The following TEFM variants were observed in gnomAD, a reference collection of about 807,000 sequenced individuals.
TEFM encodes the protein transcription elongation factor of mitochondria.
A neutral mutation model predicts 23.0 loss-of-function variants in TEFM; 14 were observed. The ratio of observed to expected loss-of-function variants is 0.61; its 90% CI spans 0.40 to 0.95. The LOEUF is 0.95. TEFM is among the 40% of genes least tolerant of loss of function. TEFM has a pLI of 0.00. For synonymous variants in TEFM, 155 were observed against 158.3 expected (o/e 0.98, Z 0.16); for missense variants, 386 against 425.5 (o/e 0.91, Z 0.82).
rs532441619 is a variant in TEFM, at chr17:30,904,617, A to G, written c.32-88T>C. 23 of 856,356 alleles carry G rather than the reference A, an allele frequency of 2.7e-5. No individual in the cohort carries two copies. The East Asian group carries it at 3.5e-4, about 13-fold the overall frequency. 53.0% of individuals were successfully genotyped at this position (856,356 alleles called of 1,614,324 possible). On this transcript the variant is annotated intron_variant, in intron 1 of 3. Coordinates refer to ENST00000581216, the MANE Select transcript of TEFM (RefSeq NM_024683.4). ...GCTTGACTAGATCCTTTGCAAAGTC[A>G]CAAATACTTTCCTGGAATTTAAGAA...
At position 30,899,505 on chromosome 17, in the gene TEFM, A is replaced by G. The variant is rs753931647; in HGVS notation, c.747T>C (p.His249=). 5.6e-6 allele frequency: 9 copies of G among 1,614,026 alleles called. No homozygotes were observed. The highest frequency in any genetic ancestry group is 7.6e-6 in the Non-Finnish European group (9 of 1,179,976). ...QNSSLFPILL[H]FHIMEAMLYA... ...ACAGCATGGCTTCCATGATATGAAA[A>G]TGTAACAGTATTGGAAACAGAGATG... Residue 249 remains histidine, a synonymous_variant, in exon 4 of 4, where the codon CAT becomes CAC. Coordinates refer to ENST00000581216, the MANE Select transcript of TEFM (RefSeq NM_024683.4).
intron 2 of TEFM, among the ~76,000 whole-genome samples, chr17:30,903,773 T>A (rs895895141): frequency 6.6e-6 from 1 of 152,122 alleles, no homozygotes; most frequent in African/African-American, 2.4e-5. Flanking sequence ...CTTCTCAGCA[T>A]CAACTGTTCT....
At chr17:30,902,404 G>A (rs1010733572) in intron 2 of TEFM, among the ~76,000 whole-genome samples, 4 of 152,100 alleles carry the variant, frequency 2.6e-5, no homozygotes, top group Non-Finnish European at 5.9e-5. Flanking sequence ...ACAATACTTC[G>A]TCGGCAATCG....
Position 30,904,247 on chromosome 17 carries a change from T to C in TEFM, c.314A>G (p.Asn105Ser). Residue 105 changes from asparagine (N) to serine (S), a missense_variant, in exon 2 of 4, where the codon AAC becomes AGC. Physicochemically the swap from Asn to Ser is conservative, Grantham distance 46. Coordinates refer to ENST00000581216, the MANE Select transcript of TEFM (RefSeq NM_024683.4). ...CTCTAAATTCTGAAATGGCCCAAAG[T>C]TTTCTCTGTGCTCTACGATATTGAT... ...RSINIVEHRE[N>S]FGPFQNLESL... 7 of 1,614,150 alleles carry C rather than the reference T, an allele frequency of 4.3e-6. No individual in the cohort carries two copies. Among genetic ancestry groups the C allele is most frequent in the Non-Finnish European group, 5.9e-6 (7 of 1,180,032 alleles).
At position 30,906,181 on chromosome 17, in the gene TEFM, G is replaced by A. The variant is rs1235516152; in HGVS notation, c.18C>T (p.Leu6=). 2 of 1,614,220 alleles carry A rather than the reference G, an allele frequency of 1.2e-6. No individual in the cohort carries two copies. Among genetic ancestry groups the A allele is most frequent in the Non-Finnish European group, 1.7e-6 (2 of 1,180,046 alleles). MSGSV[L]FTAGERWRCF... is the part of the protein sequence containing the mutation. ...CAAGCACCCTACCTCCCGCCGTGAA[G>A]AGGACAGACCCGCTCATCTCCAAGT... is the stretch of plus-strand genomic sequence containing the variant. Residue 6 remains leucine, a synonymous_variant, in exon 1 of 4, where the codon CTC becomes CTT. Coordinates refer to ENST00000581216, the MANE Select transcript of TEFM (RefSeq NM_024683.4).
In TEFM at chr17:30,899,294, C is replaced by T. The variant is rs1329341374; in HGVS notation, c.958G>A (p.Asp320Asn). The change falls in exon 4 of 4, where the codon GAT becomes AAT. Residue 320 changes from aspartate (D) to asparagine (N), a missense_variant. Asp to Asn is a conservative substitution (Grantham distance 23). Transcript: ENST00000581216. ...ATCTGTCTGTAGTGAACTATTTTAT[C>T]TGATGGGAAGAACACCCGAGGATCC... is the stretch of plus-strand genomic sequence containing the variant. ...KADPRVFFPS[D>N]KIVHYRQMFL... is the part of the protein sequence containing the mutation. 1 of 1,614,192 alleles carries T rather than the reference C, an allele frequency of 6.2e-7. No individual in the cohort carries two copies. The highest frequency in any genetic ancestry group is 1.1e-5 in the South Asian group (1 of 91,078).
intron 1 of TEFM, 152 bp from the exon 2 acceptor site, chr17:30,904,681 CTTT>C (rs200219653): frequency 4.2e-3 from 1,945 of 461,512 alleles, no homozygotes; most frequent in Middle Eastern, 8.4e-3. Context: ...GGAGAATCAT[CTTT>C]TTTTTTTTTT....
At chr17:30,905,934 G>A (rs1910160866) in intron 1 of TEFM, among the ~76,000 whole-genome samples, 1 of 152,140 alleles carries the variant, frequency 6.6e-6, no homozygotes. Flanking sequence ...GCCTGAACAA[G>A]GGACATGAGG....
chr17:30,906,189 A>G lies in TEFM; in HGVS notation c.10T>C (p.Ser4Pro). The G allele has an allele frequency of 6.2e-7, 1 of 1,614,206 alleles. No individual in the cohort carries two copies. The highest frequency in any genetic ancestry group is 8.5e-7 in the Non-Finnish European group (1 of 1,180,040). Reference protein sequence around the residue: MSGSVLFTAGERWR... With the variant: MSGPVLFTAGERWR... The stretch of plus-strand genomic sequence containing the variant: ...CTACCTCCCGCCGTGAAGAGGACAG[A>G]CCCGCTCATCTCCAAGTTGAATCAG... Residue 4 changes from serine (S) to proline (P), a missense_variant, in exon 1 of 4, where the codon TCT becomes CCT. Coordinates refer to ENST00000581216, the MANE Select transcript of TEFM (RefSeq NM_024683.4).
chr17:30,901,775 A>G (rs924948256), intron 2 of TEFM, among the ~76,000 whole-genome samples: 3 of 152,230 alleles, frequency 2.0e-5, no homozygotes, highest in Admixed American at 2.0e-4. Flanking sequence ...GGTGTAAAAG[A>G]TGGGCTGGAG....
At chr17:30,899,860 A>C in intron 3 of TEFM, 1 of 302,356 alleles carries the variant, frequency 3.3e-6, no homozygotes, top group Middle Eastern at 9.3e-4. Flanking sequence ...GGACTTCATA[A>C]TTTCTAAAAT....
At chr17:30,901,386 C>T (rs577484266) in intron 2 of TEFM, among the ~76,000 whole-genome samples, 2 of 152,284 alleles carry the variant, frequency 1.3e-5, no homozygotes, top group South Asian at 4.1e-4. Flanking sequence ...TTCTCAGCAC[C>T]TTGCCCAAAG....
At position 30,906,193 on chromosome 17, in the gene TEFM, G is replaced by C. The variant is rs200772443; in HGVS notation, c.6C>G (p.Ser2Arg). The C allele has an allele frequency of 4.2e-5, 68 of 1,614,224 alleles. 1 individual carries two copies. In the African/African-American group the frequency reaches 8.5e-4, roughly 20 times the overall value. Residue 2 changes from serine (S) to arginine (R), a missense_variant, in exon 1 of 4, where the codon AGC becomes AGG. Coordinates refer to ENST00000581216, the MANE Select transcript of TEFM (RefSeq NM_024683.4). M[S>R]GSVLFTAGER... is the part of the protein sequence containing the mutation. ...CTCCCGCCGTGAAGAGGACAGACCC[G>C]CTCATCTCCAAGTTGAATCAGTAGG... is the stretch of plus-strand genomic sequence containing the variant.
intron 1 of TEFM, among the ~76,000 whole-genome samples, chr17:30,904,910 C>T (rs534113948): frequency 3.2e-4 from 48 of 152,106 alleles, no homozygotes; most frequent in African/African-American, 1.1e-3. Flanking sequence ...CATCTCCTGA[C>T]CTCGTGATCC....
intron 2 of TEFM, 74 bp from the exon 3 acceptor site, chr17:30,900,636 C>G (rs1910022427): frequency 7.3e-7 from 1 of 1,377,602 alleles, no homozygotes; most frequent in Non-Finnish European, 1.0e-6. Context: ...GAGTCTCGCT[C>G]TGTCTCCCAG....
chr17:30,904,339 C>A lies in TEFM; in HGVS notation c.222G>T (p.Leu74Phe). The A allele has an allele frequency of 1.2e-6, 2 of 1,614,176 alleles. No individual in the cohort carries two copies. The highest frequency in any genetic ancestry group is 1.7e-6 in the Non-Finnish European group (2 of 1,180,038). The change falls in exon 2 of 4, where the codon TTG (leucine) becomes TTT (phenylalanine). Residue 74 changes from leucine to phenylalanine, a missense_variant. Leu to Phe is a conservative substitution (Grantham distance 22). Coordinates refer to ENST00000581216, the MANE Select transcript of TEFM (RefSeq NM_024683.4). ...LFSSEQQASI[L>F]HVLNTASTKE... Reference sequence around the variant, plus strand: ...TAGTAGATGCTGTATTCAACACATGCAAGATGGAAGCCTGCTGTTCTGAAG... The same window carrying A: ...TAGTAGATGCTGTATTCAACACATGAAAGATGGAAGCCTGCTGTTCTGAAG...
chr17:30,904,681 C>CTTT (rs200219653), intron 1 of TEFM, 152 bp from the exon 2 acceptor site: 270 of 465,586 alleles, frequency 5.8e-4, no homozygotes, highest in South Asian at 1.2e-3. Flanking sequence ...GGAGAATCAT[C>CTTT]TTTTTTTTTT....
At chr17:30,902,196 A>G (rs1384358861) in intron 2 of TEFM, among the ~76,000 whole-genome samples, 3 of 152,250 alleles carry the variant, frequency 2.0e-5, no homozygotes, top group Admixed American at 1.3e-4. Flanking sequence ...TAACAAACTA[A>G]TATGTTCTAT....
At chr17:30,900,759 G>A (rs1384406980) in intron 2 of TEFM, among the ~76,000 whole-genome samples, 197 bp from the exon 3 acceptor site, 2 of 145,082 alleles carry the variant, frequency 1.4e-5, no homozygotes, top group Non-Finnish European at 3.0e-5. Context: ...CCGCCACCAC[G>A]CCCGGCTAAT....
Sources: gnomAD v4.1 joint callset for allele counts (sites outside exome capture counted in the v4.1 genomes callset) on GRCh38, gnomAD v4.1.1 for gene constraint, MANE v1.5 for transcripts, NCBI Gene and HGNC (gene_info 2026-07-23, HGNC 2026-07-21) for gene names.